NCKAP1: variants seen among roughly 807,000 people sequenced by gnomAD.
The protein encoded by NCKAP1 is nck-associated protein 1.
A neutral mutation model predicts 151.2 loss-of-function variants in NCKAP1; 21 were observed. The ratio of observed to expected loss-of-function variants is 0.14; its 90% confidence interval spans 0.10 to 0.20. The LOEUF is 0.20. NCKAP1 is among the 10% of genes least tolerant of loss of function. The pLI, the probability that NCKAP1 is intolerant of heterozygous loss-of-function variation, is 1.00. For synonymous variants in NCKAP1, 484 were observed against 451.8 expected (o/e 1.07, Z -0.90); for missense variants, 933 against 1,352.1 (o/e 0.69, Z 4.86).
At chr2:182,956,167 A>G (rs1365276220) in intron 20 of NCKAP1, among the ~76,000 whole-genome samples, 1 of 152,054 alleles carries the variant, frequency 6.6e-6, no homozygotes. Flanking sequence ...CAGCCTCCCG[A>G]GTAGCTGGGA....
In NCKAP1 at chr2:182,925,455, T is replaced by C. The variant is rs1696623812; in HGVS notation, c.*247A>G. 1 of 237,338 alleles carries C rather than the reference T, an allele frequency of 4.2e-6. No individual in the cohort carries two copies. The highest frequency in any genetic ancestry group is 1.8e-4 in the South Asian group (1 of 5,630). 14.7% of individuals were successfully genotyped at this position (237,338 alleles called of 1,614,324 possible). A position where few individuals can be genotyped will look rare whatever the true frequency, so the allele number is the denominator to read the frequency against. ...CAAAAACATGTTGATAATGTATGTT[T>C]TTCAAATAAATGATACTTTAAAATT... On this transcript the variant is annotated 3_prime_UTR_variant, in exon 31 of 31. Coordinates refer to ENST00000361354, the MANE Select transcript of NCKAP1 (RefSeq NM_013436.5).
intron 1 of NCKAP1, among the ~76,000 whole-genome samples, chr2:183,031,134 TCA>T (rs1370321683): frequency 4.6e-5 from 7 of 152,232 alleles, no homozygotes; most frequent in South Asian, 2.1e-4. Flanking sequence ...AATATAGAAA[TCA>T]CAGTTATTGT....
intron 6 of NCKAP1, among the ~76,000 whole-genome samples, chr2:182,997,613 T>C (rs1698295237): frequency 6.6e-6 from 1 of 152,220 alleles, no homozygotes; most frequent in South Asian, 2.1e-4. Context: ...ATGCTTGGCA[T>C]GATTTTAATT....
In NCKAP1 at chr2:182,935,393, G is replaced by C; in HGVS notation, c.2696-18C>G. The stretch of plus-strand genomic sequence containing the variant: ...GTCAACAGCTAAATTCAAAGAAACA[G>C]AAGGAGAAGAGAATAAAAAAGTGTG... On this transcript the variant is annotated intron_variant, in intron 24 of 30. Transcript: ENST00000361354. 1 of 1,461,558 alleles carries C rather than the reference G, an allele frequency of 6.8e-7. No homozygotes were observed. The highest frequency in any genetic ancestry group is 9.2e-7 in the Non-Finnish European group (1 of 1,084,058). 90.5% of individuals were successfully genotyped at this position (1,461,558 alleles called of 1,614,324 possible).
intron 2 of NCKAP1, among the ~76,000 whole-genome samples, chr2:183,011,872 T>C (rs1698596025): frequency 6.6e-6 from 1 of 152,196 alleles, no homozygotes; most frequent in Non-Finnish European, 1.5e-5. Flanking sequence ...TAACATATTA[T>C]TCAGACAACA....
At chr2:182,978,570 T>A (rs1384441860) in intron 14 of NCKAP1, among the ~76,000 whole-genome samples, 2 of 152,184 alleles carry the variant, frequency 1.3e-5, no homozygotes, top group Non-Finnish European at 2.9e-5. Flanking sequence ...ACCAAATATA[T>A]GATTTGCTAC....
intron 2 of NCKAP1, among the ~76,000 whole-genome samples, chr2:183,013,015 C>T (rs1293501549): frequency 6.6e-6 from 1 of 151,984 alleles, no homozygotes; most frequent in African/African-American, 2.4e-5. Flanking sequence ...TCTGATAAAA[C>T]CTACAGTAGC....
At chr2:182,959,804 G>C (rs1232244780) in intron 18 of NCKAP1, among the ~76,000 whole-genome samples, 1 of 152,176 alleles carries the variant, frequency 6.6e-6, no homozygotes, top group Non-Finnish European at 1.5e-5. Context: ...AATTGTCACT[G>C]TTTGCAGGGG....
At chr2:182,976,502 T>C (rs886989016) in intron 15 of NCKAP1, among the ~76,000 whole-genome samples, 2 of 152,244 alleles carry the variant, frequency 1.3e-5, no homozygotes, top group African/African-American at 2.4e-5. Context: ...GGAGACTATA[T>C]GGCTGCAAGC....
At chr2:182,998,182 T>C (rs1439969718) in intron 6 of NCKAP1, among the ~76,000 whole-genome samples, 3 of 152,058 alleles carry the variant, frequency 2.0e-5, no homozygotes, top group African/African-American at 4.8e-5. Flanking sequence ...CACCTCAAAA[T>C]AAGCAGTGCC....
At chr2:182,951,656 A>G (rs1160254920) in intron 23 of NCKAP1, among the ~76,000 whole-genome samples, 1 of 150,156 alleles carries the variant, frequency 6.7e-6, no homozygotes, top group African/African-American at 2.4e-5. Flanking sequence ...AAAAAAACAA[A>G]CAAACAAAAA....
intron 19 of NCKAP1, 32 bp from the exon 20 acceptor site, chr2:182,956,625 C>A: frequency 6.4e-7 from 1 of 1,568,876 alleles, no homozygotes; most frequent in South Asian, 1.2e-5. Flanking sequence ...TTAAAATGTT[C>A]ACATGTCATC....
chr2:182,985,930 T>C (rs1322028226), intron 10 of NCKAP1, among the ~76,000 whole-genome samples: 1 of 151,584 alleles, frequency 6.6e-6, no homozygotes, highest in Non-Finnish European at 1.5e-5. Flanking sequence ...AAAGTAAGAG[T>C]CCTTTGTGTG....
chr2:182,952,726 G>C, intron 22 of NCKAP1, 67 bp downstream of exon 22: 1 of 1,439,552 alleles, frequency 6.9e-7, no homozygotes, highest in Non-Finnish European at 9.3e-7. Context: ...AAAGTCTAAA[G>C]AATCAAGACA....
intron 2 of NCKAP1, among the ~76,000 whole-genome samples, chr2:183,008,305 G>A (rs1346565308): frequency 1.3e-5 from 2 of 152,178 alleles, no homozygotes; most frequent in African/African-American, 4.8e-5. Flanking sequence ...TTAACAGCAC[G>A]TGAAGAATAC....
At chr2:182,998,675 C>T (rs1698318774) in intron 6 of NCKAP1, among the ~76,000 whole-genome samples, 1 of 151,506 alleles carries the variant, frequency 6.6e-6, no homozygotes, top group African/African-American at 2.4e-5. Context: ...ACTAAAAATA[C>T]AAAAATTAGC....
chr2:182,924,938 CA>C lies in NCKAP1; in HGVS notation c.*763del, dbSNP rs1696611359. The C allele has an allele frequency of 3.3e-5, 5 of 151,810 alleles. No individual in the cohort carries two copies. In the South Asian group the frequency reaches 1.0e-3, roughly 32 times the overall value. 9.4% of individuals were successfully genotyped at this position (151,810 alleles called of 1,614,324 possible). A position where few individuals can be genotyped will look rare whatever the true frequency, so the allele number is the denominator to read the frequency against. The stretch of plus-strand genomic sequence containing the variant: ...TGTTATGGCAGGTACACTTGAATTT[CA>C]AAAATTTAAAACATATATAAAAAGT... On this transcript the variant is annotated 3_prime_UTR_variant, in exon 31 of 31. Coordinates refer to ENST00000361354, the MANE Select transcript of NCKAP1 (RefSeq NM_013436.5).
Position 182,983,278 on chromosome 2 carries a change from T to A in NCKAP1, c.1101+8A>T. 6.4e-7 allele frequency: 1 copy of A among 1,557,846 alleles called. No individual in the cohort carries two copies. The highest frequency in any genetic ancestry group is 1.2e-5 in the South Asian group (1 of 84,918). On this transcript the variant is annotated splice_region_variant and intron_variant, in intron 11 of 30. Coordinates refer to ENST00000361354, the MANE Select transcript of NCKAP1 (RefSeq NM_013436.5). The stretch of plus-strand genomic sequence containing the variant: ...CACAATTATTGAAATAATAATTAAA[T>A]GAATTACCTTGGGACCTAGCAATCC...
chr2:182,963,143 A>G (rs1697492236), intron 17 of NCKAP1, among the ~76,000 whole-genome samples: 1 of 152,098 alleles, frequency 6.6e-6, no homozygotes, highest in Non-Finnish European at 1.5e-5. Context: ...TATTATATCT[A>G]ACGTATTTTA....
Sources: allele counts gnomAD v4.1 joint callset (sites outside exome capture counted in the v4.1 genomes callset), GRCh38; gene constraint gnomAD v4.1.1; transcripts MANE v1.5; gene names NCBI Gene and HGNC (gene_info 2026-07-23, HGNC 2026-07-21).